Variants in TLN2 observed in about 807,000 individuals in gnomAD.
TLN2 encodes talin 2, also known as talin-2.
In TLN2, 118 loss-of-function variants were observed where a neutral mutation model predicts 294.7. The observed-to-expected ratio is 0.40, with a 90% CI of 0.34 to 0.47. TLN2 has a LOEUF of 0.47. Among genes scored for constraint, TLN2 ranks in the 20% least tolerant of loss-of-function variants. The pLI, the probability that TLN2 is intolerant of heterozygous loss-of-function variation, is 0.84. For missense variants in TLN2, 3,083 were observed against 3,282.2 expected, an observed-to-expected ratio of 0.94 and a Z score of 1.48; for synonymous variants, 1,431 against 1,304.5, an observed-to-expected ratio of 1.10 and a Z score of -2.09.
intron 3 of TLN2, chr15:62,637,425 C>T (rs976738230): frequency 6.6e-6 from 1 of 151,928 alleles, no homozygotes; most frequent in Non-Finnish European, 1.5e-5. Flanking sequence ...ATTTATTCAG[C>T]TGTCTTGGCA....
chr15:62,671,632 G>T (rs2055437077), intron 9 of TLN2, among the ~76,000 whole-genome samples: 1 of 152,158 alleles, frequency 6.6e-6, no homozygotes. Flanking sequence ...CTATTCTATT[G>T]ACCTGTGTAT....
intron 1 of TLN2, among the ~76,000 whole-genome samples, chr15:62,526,233 G>A (rs1424305534): frequency 6.6e-6 from 1 of 152,092 alleles, no homozygotes; most frequent in Admixed American, 6.5e-5. Context: ...AGGTTCAAGC[G>A]ATTCTCCTGC....
chr15:62,758,822 C>A (rs2062473459), intron 37 of TLN2, among the ~76,000 whole-genome samples: 1 of 152,206 alleles, frequency 6.6e-6, no homozygotes, highest in South Asian at 2.1e-4. Context: ...TTGTTTGAGG[C>A]ATGCCAGTGA....
At chr15:62,839,963 T>C (rs2070419465) in intron 58 of TLN2, among the ~76,000 whole-genome samples, 1 of 152,150 alleles carries the variant, frequency 6.6e-6, no homozygotes, top group South Asian at 2.1e-4. Context: ...ACACAATACC[T>C]ATCAGCAAGT....
chr15:62,699,878 A>G (rs2058606717), intron 16 of TLN2, among the ~76,000 whole-genome samples: 1 of 152,184 alleles, frequency 6.6e-6, no homozygotes, highest in African/African-American at 2.4e-5. Flanking sequence ...AGTGGTTTTT[A>G]TTCTCCCCAG....
At chr15:62,588,671 T>C (rs1356453689) in intron 1 of TLN2, among the ~76,000 whole-genome samples, 568 of 52,056 alleles carry the variant, frequency 0.011, 6 homozygotes, top group Non-Finnish European at 0.015. Flanking sequence ...TTTTCATATA[T>C]ATATATATAT....
At position 62,697,750 on chromosome 15, in the gene TLN2, T is replaced by G. The variant is rs773979359; in HGVS notation, c.1355T>G (p.Leu452Arg). 1 of 1,612,106 alleles carries G rather than the reference T, an allele frequency of 6.2e-7. No homozygotes were observed. Among genetic ancestry groups the G allele is most frequent in the East Asian group, 2.2e-5 (1 of 44,802 alleles). Residue 452 changes from leucine to arginine, a missense_variant, in exon 15 of 59, where the codon CTG becomes CGG. Physicochemically the swap from Leu to Arg is moderately radical, Grantham distance 102 (BLOSUM62 -2). Transcript: ENST00000636159. Reference protein sequence around the residue: ...TGKAEHGSVALPAVMRSGSSG... With the variant: ...TGKAEHGSVARPAVMRSGSSG... ...AAGGCAGAGCACGGCTCAGTGGCGCTGCCGGCCGTGATGCGCTCGGGCTCC... is the reference window on the plus strand; with the variant it reads ...AAGGCAGAGCACGGCTCAGTGGCGCGGCCGGCCGTGATGCGCTCGGGCTCC...
At chr15:62,791,791 G>A (rs1257821640) in intron 45 of TLN2, among the ~76,000 whole-genome samples, 1 of 152,232 alleles carries the variant, frequency 6.6e-6, no homozygotes, top group Non-Finnish European at 1.5e-5. Context: ...ATTATTTATG[G>A]CAGCTGTATC....
At chr15:62,532,053 C>CTTTTCTTT (rs1555424289) in intron 1 of TLN2, among the ~76,000 whole-genome samples, 16 of 144,764 alleles carry the variant, frequency 1.1e-4, no homozygotes, top group African/African-American at 4.1e-4. Flanking sequence ...TTTCTCTTTT[C>CTTTTCTTT]TTTTTTTTTT....
intron 1 of TLN2, among the ~76,000 whole-genome samples, chr15:62,454,970 T>C (rs139592888): frequency 6.6e-6 from 1 of 152,088 alleles, no homozygotes; most frequent in Non-Finnish European, 1.5e-5. Context: ...TTCCTCACTT[T>C]TCCTCCCCCC....
intron 25 of TLN2, among the ~76,000 whole-genome samples, 159 bp downstream of exon 25, chr15:62,720,039 G>A (rs1170358212): frequency 6.6e-6 from 1 of 152,266 alleles, no homozygotes; most frequent in Non-Finnish European, 1.5e-5. Context: ...TTCAGGAGAG[G>A]TGGGTTCAGC....
chr15:62,739,394 A>C lies in TLN2; in HGVS notation c.3734A>C (p.Asn1245Thr), dbSNP rs2061196922. 1.2e-6 allele frequency: 2 copies of C among 1,614,146 alleles called. No individual in the cohort carries two copies. Among genetic ancestry groups the C allele is most frequent in the Non-Finnish European group, 8.5e-7 (1 of 1,180,016 alleles). ...TTCCAGGAAGCCCAGAGTGAACTGA[A>C]CCAGGCAGCAGCTGATCTGAACCAG... The part of the protein sequence containing the change: ...KPFQEAQSEL[N>T]QAAADLNQSA... The change falls in exon 31 of 59, where the codon AAC (asparagine) becomes ACC (threonine). Residue 1245 changes from asparagine to threonine, a missense_variant. By Grantham distance (65) the Asn-to-Thr change is moderately conservative (BLOSUM62 0). Transcript: ENST00000636159.
At chr15:62,750,338 G>A in intron 33 of TLN2, 64 bp from the exon 34 acceptor site, 1 of 1,321,938 alleles carries the variant, frequency 7.6e-7, no homozygotes, top group Non-Finnish European at 1.1e-6. Context: ...GTTGGCAGTT[G>A]ATGTTGAATT....
rs2070562295 is a variant in TLN2, at chr15:62,840,625, A to G, written c.*15A>G. The G allele has an allele frequency of 6.2e-7, 1 of 1,611,926 alleles. No homozygotes were observed. The highest frequency in any genetic ancestry group is 1.7e-5 in the Admixed American group (1 of 59,708). ...ATGAGGGCTAAAGGTGCGAGCCCAG[A>G]TGGCGAGCCCCAGGGGATGGCCCTG... On this transcript the variant is annotated 3_prime_UTR_variant, in exon 59 of 59. Transcript: ENST00000636159.
chr15:62,456,487 A>G (rs2036491286), intron 1 of TLN2, among the ~76,000 whole-genome samples: 1 of 151,968 alleles, frequency 6.6e-6, no homozygotes, highest in Non-Finnish European at 1.5e-5. Context: ...TGAATTTGAC[A>G]CCTCTGTCAC....
intron 37 of TLN2, among the ~76,000 whole-genome samples, chr15:62,761,315 C>T (rs1467913368): frequency 6.6e-6 from 1 of 152,090 alleles, no homozygotes; most frequent in African/African-American, 2.4e-5. Context: ...GCAAAGATCC[C>T]AAGGATTGTA....
intron 1 of TLN2, among the ~76,000 whole-genome samples, chr15:62,410,698 A>G (rs575065871): frequency 2.4e-4 from 37 of 152,290 alleles, no homozygotes; most frequent in Admixed American, 2.0e-3. Context: ...ACTCTTAGTC[A>G]TTTCTTTCTT....
intron 1 of TLN2, among the ~76,000 whole-genome samples, chr15:62,573,570 G>T (rs2044111470): frequency 6.6e-6 from 1 of 152,036 alleles, no homozygotes; most frequent in African/African-American, 2.4e-5. Context: ...GGGGTCCCGT[G>T]GGGCCATGCA....
intron 33 of TLN2, among the ~76,000 whole-genome samples, chr15:62,749,150 A>T (rs77530020): frequency 0.018 from 2,667 of 152,316 alleles, 74 homozygotes; most frequent in African/African-American, 0.06. Flanking sequence ...TGTCCCAAGG[A>T]ACGTTCCATT....
Sources: allele counts gnomAD v4.1 joint callset (sites outside exome capture counted in the v4.1 genomes callset), GRCh38; gene constraint gnomAD v4.1.1; transcripts MANE v1.5; gene names NCBI Gene and HGNC (gene_info 2026-07-23, HGNC 2026-07-21).